SAMD4A: variants seen among roughly 807,000 people sequenced by gnomAD.
SAMD4A encodes the protein protein Smaug homolog 1.
SAMD4A carries 33 observed loss-of-function variants against 81.3 expected under a neutral mutation model. The observed-to-expected ratio is 0.41, with a 90% confidence interval of 0.31 to 0.54. The LOEUF (loss-of-function observed/expected upper bound fraction) is 0.54, where lower values mean the gene tolerates loss of function less well. Among genes scored for constraint, SAMD4A ranks in the 20% least tolerant of loss-of-function variants. The pLI is 0.37. For synonymous variants in SAMD4A, 389 were observed against 382.1 expected (o/e 1.02, Z -0.21); for missense variants, 854 against 951.1 (o/e 0.90, Z 1.34).
intron 2 of SAMD4A, among the ~76,000 whole-genome samples, chr14:54,630,637 C>T (rs565917481): frequency 6.6e-6 from 1 of 152,196 alleles, no homozygotes; most frequent in South Asian, 2.1e-4. Flanking sequence ...TCTCTCTGCA[C>T]CAGCTGAGAA....
At chr14:54,685,290 C>A (rs2036237263) in intron 2 of SAMD4A, among the ~76,000 whole-genome samples, 2 of 146,358 alleles carry the variant, frequency 1.4e-5, no homozygotes, top group South Asian at 4.6e-4. Flanking sequence ...CCCCCCAGCT[C>A]CTGGCAGCCA....
rs147345486 is a variant in SAMD4A at position 54,787,681 on chromosome 14, C to T, written c.2129-1235C>T. 4.5e-4 allele frequency among the ~76,000 whole-genome samples: 68 copies of T among 152,342 alleles called. No homozygotes were observed. In the East Asian group the frequency reaches 0.012, roughly 27 times the overall value. ...GGTCACTGAACGCAGTTATTCCTAC[C>T]GCCTGTGATGGCTAATCCATGCCTC... On this transcript the variant is annotated intron_variant, in intron 12 of 12. Transcript: ENST00000554335.
chr14:54,704,238 G>A (rs1468957139), intron 3 of SAMD4A, among the ~76,000 whole-genome samples: 1 of 152,190 alleles, frequency 6.6e-6, no homozygotes, highest in Non-Finnish European at 1.5e-5. Context: ...GTATGATAAG[G>A]AGTGATGACA....
At chr14:54,704,493 A>C (rs1446907850) in intron 3 of SAMD4A, among the ~76,000 whole-genome samples, 1 of 152,234 alleles carries the variant, frequency 6.6e-6, no homozygotes, top group African/African-American at 2.4e-5. Context: ...CATTTAGTAC[A>C]TTTAAGATGG....
chr14:54,763,719 C>T (rs1006029455), intron 7 of SAMD4A, among the ~76,000 whole-genome samples: 1 of 152,104 alleles, frequency 6.6e-6, no homozygotes, highest in African/African-American at 2.4e-5. Flanking sequence ...CCACTGTGGC[C>T]CTGTACACAT....
chr14:54,585,916 T>C (rs2033602649), intron 2 of SAMD4A, among the ~76,000 whole-genome samples: 1 of 152,174 alleles, frequency 6.6e-6, no homozygotes, highest in Admixed American at 6.5e-5. Context: ...GCAAGTATCT[T>C]TTTCCTATAA....
At chr14:54,788,776 A>C in intron 12 of SAMD4A, 140 bp from the exon 13 acceptor site, 1 of 969,344 alleles carries the variant, frequency 1.0e-6, no homozygotes, top group Non-Finnish European at 1.6e-6. Flanking sequence ...TGGGTATGTA[A>C]ATGCGTGAAC....
At chr14:54,766,455 T>C (rs573664146) in intron 8 of SAMD4A, among the ~76,000 whole-genome samples, 50 of 152,232 alleles carry the variant, frequency 3.3e-4, no homozygotes, top group African/African-American at 1.1e-3. Context: ...CTGAGTGCCC[T>C]GGAGCACAGA....
At chr14:54,578,317 A>G (rs2033364826) in intron 2 of SAMD4A, among the ~76,000 whole-genome samples, 1 of 152,200 alleles carries the variant, frequency 6.6e-6, no homozygotes. Flanking sequence ...TGAATCAGGA[A>G]TGAAGATAGG....
chr14:54,654,332 GA>G (rs1383962485), intron 2 of SAMD4A, among the ~76,000 whole-genome samples: 8 of 152,166 alleles, frequency 5.3e-5, no homozygotes, highest in Non-Finnish European at 1.0e-4. Context: ...CGGGAGGTCA[GA>G]TGGGAGCTTA....
At chr14:54,699,548 A>G (rs2140725892) in intron 2 of SAMD4A, among the ~76,000 whole-genome samples, 1 of 152,334 alleles carries the variant, frequency 6.6e-6, no homozygotes, top group Non-Finnish European at 1.5e-5. Flanking sequence ...ATACATTGGC[A>G]TTTTAAGACT....
At chr14:54,704,425 G>A (rs1203345476) in intron 3 of SAMD4A, among the ~76,000 whole-genome samples, 7 of 152,186 alleles carry the variant, frequency 4.6e-5, no homozygotes, top group African/African-American at 2.4e-5. Context: ...CTCAAAATTA[G>A]TCTTGGGTCA....
intron 2 of SAMD4A, among the ~76,000 whole-genome samples, chr14:54,692,706 AC>A (rs2036472252): frequency 6.6e-6 from 1 of 152,066 alleles, no homozygotes; most frequent in South Asian, 2.1e-4. Flanking sequence ...TGTGTTTAGA[AC>A]ACTTCCAGCC....
chr14:54,718,277 T>A (rs1431861481), intron 3 of SAMD4A, among the ~76,000 whole-genome samples: 1 of 152,228 alleles, frequency 6.6e-6, no homozygotes, highest in Non-Finnish European at 1.5e-5. Flanking sequence ...AAGGAATGAA[T>A]GCTTTTTCTT....
chr14:54,702,066 C>T lies in SAMD4A; in HGVS notation c.201C>T (p.Ile67=), dbSNP rs543341320. 5.6e-6 allele frequency: 9 copies of T among 1,613,672 alleles called. No individual in the cohort carries two copies. In the South Asian group the frequency reaches 9.9e-5, roughly 18 times the overall value. Residue 67 remains isoleucine, a synonymous_variant, in exon 3 of 13, where the codon ATC becomes ATT. Coordinates refer to ENST00000554335, the MANE Select transcript of SAMD4A (RefSeq NM_015589.6). ...VLEREANSPG[I]INQWQQESKD... ...CGTGTATATTTCCCTTTTCAGGAAT[C>T]ATTAACCAATGGCAACAGGAATCCA...
intron 9 of SAMD4A, among the ~76,000 whole-genome samples, chr14:54,770,592 A>C (rs1454085181): frequency 6.6e-6 from 1 of 151,806 alleles, no homozygotes; most frequent in Non-Finnish European, 1.5e-5. Context: ...ATCAATCAGC[A>C]CCTTAAGTGG....
chr14:54,570,137 G>A (rs767318970), intron 2 of SAMD4A, among the ~76,000 whole-genome samples: 55 of 152,262 alleles, frequency 3.6e-4, no homozygotes, highest in African/African-American at 1.0e-3. Context: ...TTAATCCTTC[G>A]CCTAGACGTT....
chr14:54,717,310 C>T (rs982646500), intron 3 of SAMD4A, among the ~76,000 whole-genome samples: 1 of 151,812 alleles, frequency 6.6e-6, no homozygotes, highest in African/African-American at 2.4e-5. Context: ...GGTGTGATGG[C>T]TTACACCTGT....
At chr14:54,766,644 T>C (rs979279730) in intron 8 of SAMD4A, among the ~76,000 whole-genome samples, 7 of 152,000 alleles carry the variant, frequency 4.6e-5, no homozygotes, top group Non-Finnish European at 8.8e-5. Flanking sequence ...AGTAGGACAT[T>C]TGTGGGTGGC....
Sources: gnomAD v4.1 joint callset for allele counts (sites outside exome capture counted in the v4.1 genomes callset) on GRCh38, gnomAD v4.1.1 for gene constraint, MANE v1.5 for transcripts, NCBI Gene and HGNC (gene_info 2026-07-23, HGNC 2026-07-21) for gene names.